Variants in NAALADL2 observed in about 807,000 individuals in gnomAD.
NAALADL2 encodes inactive N-acetylated-alpha-linked acidic dipeptidase-like protein 2.
Under a neutral mutation model 87.2 loss-of-function variants are expected in NAALADL2, and 76 were observed. The ratio of observed to expected loss-of-function variants is 0.87; its 90% CI spans 0.72 to 1.05. NAALADL2 has a LOEUF of 1.05. Ranked by LOEUF, NAALADL2 falls within the 50% of genes least tolerant of loss-of-function variation. The pLI, the probability that NAALADL2 is intolerant of heterozygous loss-of-function variation, is 0.00. For missense variants in NAALADL2, 1,089 were observed against 945.8 expected (o/e 1.15, Z -1.99); for synonymous variants, 354 against 331.0 (o/e 1.07, Z -0.75).
intron 9 of NAALADL2, among the ~76,000 whole-genome samples, chr3:175,523,549 TA>T (rs1185506755): frequency 1.3e-5 from 2 of 152,148 alleles, no homozygotes; most frequent in Admixed American, 6.5e-5. Flanking sequence ...CACTCGAATA[TA>T]AAATTTTCTT....
At chr3:174,497,681 CTTAT>C (rs1271549372) in intron 1 of NAALADL2, among the ~76,000 whole-genome samples, 1 of 152,072 alleles carries the variant, frequency 6.6e-6, no homozygotes, top group African/African-American at 2.4e-5. Context: ...GAGACTCAGT[CTTAT>C]TTATCTTTTT....
At chr3:174,726,064 A>G (rs1732154377) in intron 2 of NAALADL2, among the ~76,000 whole-genome samples, 1 of 152,114 alleles carries the variant, frequency 6.6e-6, no homozygotes, top group Non-Finnish European at 1.5e-5. Context: ...TTTCACTACC[A>G]CATTGAAACT....
chr3:175,088,478 C>A (rs887237106), intron 1 of NAALADL2, among the ~76,000 whole-genome samples: 1 of 152,146 alleles, frequency 6.6e-6, no homozygotes, highest in South Asian at 2.1e-4. Flanking sequence ...AGTGCAGATG[C>A]TAGATGTACT....
At chr3:175,654,861 GCC>G (rs1560922265) in intron 11 of NAALADL2, among the ~76,000 whole-genome samples, 3 of 151,964 alleles carry the variant, frequency 2.0e-5, no homozygotes, top group African/African-American at 7.2e-5. Context: ...CTGTGTATAG[GCC>G]CCTTTGTGTT....
chr3:175,314,698 A>C (rs1319834510), intron 4 of NAALADL2, among the ~76,000 whole-genome samples: 1,248 of 97,780 alleles, frequency 0.013, 82 homozygotes, highest in African/African-American at 0.045. Context: ...ATATATATAT[A>C]TATATATATA....
At position 174,444,369 on chromosome 3, in the gene NAALADL2, G is replaced by A. The variant is rs1486060253; in HGVS notation, c.-184+3337G>A. Among the ~76,000 whole-genome samples, 7 of 152,240 alleles carry A rather than the reference G, an allele frequency of 4.6e-5. No homozygotes were observed. In the East Asian group the frequency reaches 1.2e-3, roughly 25 times the overall value. ...TCCAGGTGTGGTACATGAGAAATTT[G>A]TAGGAATCATTACCATTTTTTCCAT... On this transcript the variant is annotated intron_variant, in intron 1 of 3. Coordinates refer to the NAALADL2 transcript ENST00000434257.
intron 1 of NAALADL2, among the ~76,000 whole-genome samples, chr3:174,861,866 A>C (rs973590340): frequency 2.6e-5 from 4 of 151,698 alleles, no homozygotes; most frequent in African/African-American, 9.7e-5. Flanking sequence ...TATGCCATTA[A>C]CATTTAGTGT....
chr3:175,085,353 C>A (rs1718674139), intron 1 of NAALADL2, among the ~76,000 whole-genome samples: 1 of 152,186 alleles, frequency 6.6e-6, no homozygotes, highest in Non-Finnish European at 1.5e-5. Flanking sequence ...CGTAGTGAAA[C>A]TAGTTAAGGT....
chr3:174,831,854 G>C (rs1174623881), intron 3 of NAALADL2, among the ~76,000 whole-genome samples: 1 of 150,974 alleles, frequency 6.6e-6, no homozygotes, highest in East Asian at 1.9e-4. Flanking sequence ...TATGTGTCGA[G>C]GAATTTATCC....
At chr3:174,534,293 A>C (rs984198871) in intron 1 of NAALADL2, among the ~76,000 whole-genome samples, 24 of 150,908 alleles carry the variant, frequency 1.6e-4, no homozygotes, top group Admixed American at 1.4e-3. Flanking sequence ...CACAATATAA[A>C]CAAAAAAAAT....
intron 2 of NAALADL2, among the ~76,000 whole-genome samples, chr3:174,711,944 C>T (rs532804877): frequency 4.6e-5 from 7 of 152,112 alleles, no homozygotes; most frequent in East Asian, 1.9e-4. Flanking sequence ...GGACTACAGG[C>T]GCATGCCACC....
intron 2 of NAALADL2, among the ~76,000 whole-genome samples, chr3:175,128,640 A>G (rs1372441024): frequency 6.6e-6 from 1 of 152,132 alleles, no homozygotes; most frequent in Non-Finnish European, 1.5e-5. Flanking sequence ...ATGTATTTTC[A>G]ATATCAAGAT....
intron 3 of NAALADL2, among the ~76,000 whole-genome samples, chr3:174,770,892 AT>A (rs1417644535): frequency 1.3e-5 from 2 of 152,002 alleles, no homozygotes; most frequent in East Asian, 3.9e-4. Flanking sequence ...TTTTATTTCA[AT>A]TGTTTATGGG....
rs940895439 is a variant in NAALADL2, at chr3:175,783,926, T to A, written c.2190-19079T>A. Among the ~76,000 whole-genome samples, 18 of 141,972 alleles carry A rather than the reference T, an allele frequency of 1.3e-4. 1 individual carries two copies. The highest frequency in any genetic ancestry group is 5.0e-4 in the African/African-American group (17 of 33,790). 93.1% of individuals were successfully genotyped at this position (141,972 alleles called of 152,430 possible). ...TTTTAGCATGAAGGGTTGTTGAATT[T>A]TGTCAAAGGCTTTTTCTGCATCTAT... On this transcript the variant is annotated intron_variant, in intron 13 of 13. Transcript: ENST00000454872.
At chr3:174,809,378 A>G (rs1225431317) in intron 3 of NAALADL2, among the ~76,000 whole-genome samples, 1 of 152,216 alleles carries the variant, frequency 6.6e-6, no homozygotes, top group East Asian at 1.9e-4. Context: ...TAAAGTATTC[A>G]GATATGGCCT....
chr3:174,526,629 A>C (rs1720775400), intron 1 of NAALADL2, among the ~76,000 whole-genome samples: 1 of 152,048 alleles, frequency 6.6e-6, no homozygotes, highest in East Asian at 1.9e-4. Flanking sequence ...AAAAATAGCC[A>C]GCTAACTTAA....
chr3:175,696,338 G>T (rs572480915), intron 11 of NAALADL2, among the ~76,000 whole-genome samples: 1 of 152,092 alleles, frequency 6.6e-6, no homozygotes, highest in Non-Finnish European at 1.5e-5. Flanking sequence ...GAGAAATAAA[G>T]TAGTGTTATG....
intron 9 of NAALADL2, among the ~76,000 whole-genome samples, chr3:175,522,458 C>T (rs115130933): frequency 5.1e-4 from 77 of 152,220 alleles, no homozygotes; most frequent in African/African-American, 1.8e-3. Flanking sequence ...AAATGGCGTG[C>T]GCTGAAATGG....
At chr3:175,082,707 T>G (rs897300243) in intron 1 of NAALADL2, among the ~76,000 whole-genome samples, 1 of 152,252 alleles carries the variant, frequency 6.6e-6, no homozygotes, top group Non-Finnish European at 1.5e-5. Flanking sequence ...AACAATTTGT[T>G]CATGCTTTAG....
Sources: allele counts gnomAD v4.1 joint callset (sites outside exome capture counted in the v4.1 genomes callset), GRCh38; gene constraint gnomAD v4.1.1; transcripts MANE v1.5; gene names NCBI Gene and HGNC (gene_info 2026-07-23, HGNC 2026-07-21).